The following ZNF343 variants were observed in gnomAD, a reference collection of about 807,000 sequenced individuals.
ZNF343 encodes zinc finger protein 343.
A neutral mutation model predicts 13.8 loss-of-function variants in ZNF343; 11 were observed. That is an observed-to-expected ratio of 0.80 (90% CI 0.50 to 1.32). ZNF343 has a LOEUF of 1.32. ZNF343 is among the 40% of genes most tolerant of loss of function. ZNF343 has a pLI of 0.00. For synonymous variants in ZNF343, 248 were observed against 260.0 expected (o/e 0.95, Z 0.44); for missense variants, 658 against 714.2 (o/e 0.92, Z 0.90).
At position 2,484,528 on chromosome 20, in the gene ZNF343, T is replaced by A; in HGVS notation, c.433A>T (p.Asn145Tyr). 1 of 1,614,206 alleles carries A rather than the reference T, an allele frequency of 6.2e-7. No homozygotes were observed. Among genetic ancestry groups the A allele is most frequent in the Non-Finnish European group, 8.5e-7 (1 of 1,180,038 alleles). ...LCAENHFHPG[N>Y]SSPGHWKQQG... ...TGTTTCCAATGCCCTGGGCTAGAATTCCCTGGATGGAAGTGATTTTCTGCA... is the reference window on the plus strand; with the variant it reads ...TGTTTCCAATGCCCTGGGCTAGAATACCCTGGATGGAAGTGATTTTCTGCA... The change falls in exon 6 of 6, where the codon AAT (asparagine) becomes TAT (tyrosine). Residue 145 changes from asparagine (N) to tyrosine (Y), a missense_variant. Asn to Tyr is a moderately radical substitution (Grantham distance 143, BLOSUM62 -2). Transcript: ENST00000278772.
chr20:2,494,694 G>A (rs762588651), intron 2 of ZNF343, among the ~76,000 whole-genome samples: 6 of 152,016 alleles, frequency 3.9e-5, no homozygotes, highest in Non-Finnish European at 5.9e-5. Flanking sequence ...ACCTGACCTC[G>A]GGAAGTCGAG....
intron 4 of ZNF343, among the ~76,000 whole-genome samples, chr20:2,493,210 G>A (rs2085395361): frequency 6.6e-6 from 1 of 152,102 alleles, no homozygotes; most frequent in African/African-American, 2.4e-5. Flanking sequence ...TGGGGCTTGT[G>A]CTGGGCAGTA....
upstream of ZNF343, among the ~76,000 whole-genome samples, chr20:2,513,170 G>A (rs1024434471): frequency 6.6e-6 from 1 of 152,058 alleles, no homozygotes; most frequent in African/African-American, 2.4e-5. Flanking sequence ...AGAGTGACAA[G>A]GCAACCCATA....
chr20:2,508,345 A>C lies in ZNF343; in HGVS notation c.-237+536T>G, dbSNP rs1004185419. ...CAAGGCCTGAGACGGCCTCCCCCTA[A>C]CCACCCCGGTCACCACTCGGGACAT... is the stretch of plus-strand genomic sequence containing the variant. On this transcript the variant is annotated intron_variant, in intron 1 of 5. Transcript: ENST00000278772. The surrounding 1 kb of genome is among the most constrained non-coding windows in gnomAD (Gnocchi z 4.5). 6.6e-6 allele frequency among the ~76,000 whole-genome samples: 1 copy of C among 151,240 alleles called. No individual in the cohort carries two copies. Among genetic ancestry groups the C allele is most frequent in the South Asian group, 2.1e-4 (1 of 4,772 alleles).
upstream of ZNF343, among the ~76,000 whole-genome samples, chr20:2,509,782 C>A (rs560085495): frequency 6.6e-6 from 1 of 152,170 alleles, no homozygotes; most frequent in African/African-American, 2.4e-5. Flanking sequence ...TCATAGGAGG[C>A]GCGTTTAAAT....
rs138287934 is a variant in ZNF343 at position 2,486,068 on chromosome 20, G to A, written c.305-1412C>T. Among the ~76,000 whole-genome samples, 22 of 152,166 alleles carry A rather than the reference G, an allele frequency of 1.4e-4. No individual in the cohort carries two copies. In the South Asian group the frequency reaches 1.5e-3, roughly 10 times the overall value. On this transcript the variant is annotated intron_variant, in intron 5 of 5. Coordinates refer to ENST00000278772, the MANE Select transcript of ZNF343 (RefSeq NM_024325.6). ...TGCCTTGATATTTTGACTGTGATTC[G>A]CTGCCATCTTTTTGGATTATCTAGA...
At chr20:2,501,586 C>T (rs2122686558) in intron 1 of ZNF343, among the ~76,000 whole-genome samples, 1 of 152,344 alleles carries the variant, frequency 6.6e-6, no homozygotes. Flanking sequence ...TGACACCTCA[C>T]ATGGACGGGT....
chr20:2,510,359 A>T (rs896146323), upstream of ZNF343, among the ~76,000 whole-genome samples: 1 of 152,216 alleles, frequency 6.6e-6, no homozygotes, highest in East Asian at 1.9e-4. Context: ...TTCCCAGTCC[A>T]GTTCAATATT....
At chr20:2,490,902 G>T (rs1046359685) in intron 5 of ZNF343, among the ~76,000 whole-genome samples, 1 of 152,152 alleles carries the variant, frequency 6.6e-6, no homozygotes, top group Admixed American at 6.6e-5. Flanking sequence ...GAACGAGTCC[G>T]AAATGGATGA....
Position 2,484,062 on chromosome 20 carries a change from C to G in ZNF343, c.899G>C (p.Ser300Thr), listed in dbSNP as rs1402694095. 1 of 1,614,212 alleles carries G rather than the reference C, an allele frequency of 6.2e-7. No individual in the cohort carries two copies. Among genetic ancestry groups the G allele is most frequent in the Non-Finnish European group, 8.5e-7 (1 of 1,180,022 alleles). Residue 300 changes from serine to threonine, a missense_variant, in exon 6 of 6, where the codon AGT becomes ACT. By Grantham distance (58) the Ser-to-Thr change is moderately conservative. Coordinates refer to ENST00000278772, the MANE Select transcript of ZNF343 (RefSeq NM_024325.6). ...CTGGCTAAAACCTCGCCCGCACTCA[C>G]TGCACACATAAGGCTTCTCCATCGA... ...IHSMEKPYVCSECGRGFSQKS... is the reference protein window; with the variant it reads ...IHSMEKPYVCTECGRGFSQKS...
chr20:2,491,674 C>T (rs975048309), intron 5 of ZNF343, among the ~76,000 whole-genome samples: 1 of 152,150 alleles, frequency 6.6e-6, no homozygotes, highest in East Asian at 1.9e-4. Flanking sequence ...CATATCAATG[C>T]TCATCCGTTC....
intron 2 of ZNF343, among the ~76,000 whole-genome samples, chr20:2,499,254 A>G (rs2085515476): frequency 6.8e-6 from 1 of 147,524 alleles, no homozygotes; most frequent in South Asian, 2.1e-4. Context: ...TCACGAGGTC[A>G]GGAGATCGAG....
In ZNF343 at chr20:2,482,859, G is replaced by A; in HGVS notation, c.*302C>T. On this transcript the variant is annotated 3_prime_UTR_variant, in exon 6 of 6. Transcript: ENST00000278772. ...CCCTGAGGCTGTCATTGGATGTCTG[G>A]TAAATGTTGATTATTGCTAAAGCCT... The A allele has an allele frequency of 2.8e-6, 1 of 351,534 alleles. No individual in the cohort carries two copies. The highest frequency in any genetic ancestry group is 5.2e-6 in the Non-Finnish European group (1 of 193,374). The allele number at this position is 351,534 out of a possible 1,614,324, so 21.8% of individuals were successfully genotyped here. A position where few individuals can be genotyped will look rare whatever the true frequency, so the allele number is the denominator to read the frequency against.
At chr20:2,485,434 A>T (rs1223390739) in intron 5 of ZNF343, among the ~76,000 whole-genome samples, 4 of 152,248 alleles carry the variant, frequency 2.6e-5, no homozygotes, top group Non-Finnish European at 5.9e-5. Flanking sequence ...CTGAGAAATG[A>T]CCACGTACTT....
chr20:2,487,140 AC>A (rs1479493995), intron 5 of ZNF343, among the ~76,000 whole-genome samples: 5 of 152,172 alleles, frequency 3.3e-5, no homozygotes, highest in African/African-American at 1.2e-4. Flanking sequence ...TTCCCCTGTT[AC>A]CTGTGGTCGT....
In ZNF343 at chr20:2,483,983, C is replaced by T. The variant is rs1243975486; in HGVS notation, c.978G>A (p.Leu326=). The change falls in exon 6 of 6, where the codon TTG becomes TTA. Residue 326 remains leucine (L), a synonymous_variant. Transcript: ENST00000278772. ...QRTHSEEKPY[L]CRECGQSFRS... is the part of the protein sequence containing the mutation. ...TAAAGCTTTGCCCACACTCCCTGCA[C>T]AAATAAGGCTTCTCTTCTGAATGTG... The T allele has an allele frequency of 6.2e-7, 1 of 1,613,988 alleles. No homozygotes were observed. The highest frequency in any genetic ancestry group is 2.2e-5 in the East Asian group (1 of 44,876).
intron 1 of ZNF343, among the ~76,000 whole-genome samples, chr20:2,504,578 C>A (rs1398872865): frequency 2.0e-5 from 3 of 152,110 alleles, no homozygotes; most frequent in Admixed American, 2.0e-4. Context: ...CCAAATCCAG[C>A]GGCACATCAA....
intron 2 of ZNF343, among the ~76,000 whole-genome samples, chr20:2,496,646 T>C (rs1315808297): frequency 1.3e-5 from 2 of 152,082 alleles, no homozygotes; most frequent in African/African-American, 4.8e-5. Flanking sequence ...TGGGAGATAA[T>C]GGTGGTTTGG....
At chr20:2,505,422 A>G (rs1251481020) in intron 1 of ZNF343, among the ~76,000 whole-genome samples, 1 of 152,172 alleles carries the variant, frequency 6.6e-6, no homozygotes, top group African/African-American at 2.4e-5. Flanking sequence ...TACCAATGAC[A>G]TTCTTCACTG....
Sources: allele counts gnomAD v4.1 joint callset (sites outside exome capture counted in the v4.1 genomes callset), GRCh38; gene constraint gnomAD v4.1.1; non-coding constraint Gnocchi (gnomAD v3.1); transcripts MANE v1.5; gene names NCBI Gene and HGNC (gene_info 2026-07-23, HGNC 2026-07-21).